UNC13C: variants seen among roughly 807,000 people sequenced by gnomAD.
UNC13C encodes protein unc-13 homolog C.
A neutral mutation model predicts 245.4 loss-of-function variants in UNC13C; 174 were observed. The ratio of observed to expected loss-of-function variants is 0.71; its 90% CI spans 0.63 to 0.80. The LOEUF is 0.80. Among genes scored for constraint, UNC13C ranks in the 30% least tolerant of loss-of-function variants. The pLI is 0.00. For synonymous variants in UNC13C, 992 were observed against 895.1 expected (o/e 1.11, Z -1.93); for missense variants, 2,829 against 2,602.9 (o/e 1.09, Z -1.89).
chr15:53,987,461 T>C (rs1731115644), intron 1 of UNC13C, among the ~76,000 whole-genome samples: 1 of 151,998 alleles, frequency 6.6e-6, no homozygotes, highest in South Asian at 2.1e-4. Flanking sequence ...TCCTCCAGAA[T>C]AGCAATTCAA....
At chr15:54,589,038 T>C (rs1361926638) in intron 30 of UNC13C, among the ~76,000 whole-genome samples, 2 of 152,140 alleles carry the variant, frequency 1.3e-5, no homozygotes, top group African/African-American at 4.8e-5. Context: ...ATTCTACTTT[T>C]AGTTCTTTCA....
intron 19 of UNC13C, among the ~76,000 whole-genome samples, chr15:54,492,548 T>C (rs1348312219): frequency 6.6e-6 from 1 of 152,180 alleles, no homozygotes; most frequent in African/African-American, 2.4e-5. Flanking sequence ...ATACTTAACA[T>C]AGTTCTCAGC....
chr15:54,512,108 CAT>C (rs911421519), intron 24 of UNC13C, among the ~76,000 whole-genome samples: 3 of 152,124 alleles, frequency 2.0e-5, no homozygotes, highest in African/African-American at 7.2e-5. Context: ...TATATACACA[CAT>C]ATATATTTGT....
At chr15:54,495,556 G>A (rs575817155) in intron 20 of UNC13C, among the ~76,000 whole-genome samples, 178 of 151,968 alleles carry the variant, frequency 1.2e-3, no homozygotes, top group Non-Finnish European at 1.9e-3. Flanking sequence ...GGGAGAAAAA[G>A]CATTAAGATG....
chr15:53,853,702 T>C, the UNC13C span, among the ~76,000 whole-genome samples: 1 of 152,220 alleles, frequency 6.6e-6, no homozygotes, highest in Non-Finnish European at 1.5e-5. Context: ...TGGCAGGAGA[T>C]GGTATCTCAT....
At chr15:54,618,601 A>G (rs1900596119) in intron 30 of UNC13C, among the ~76,000 whole-genome samples, 1 of 152,058 alleles carries the variant, frequency 6.6e-6, no homozygotes, top group African/African-American at 2.4e-5. Flanking sequence ...TTTCATTTTT[A>G]CCCTGGGATA....
At chr15:54,048,757 A>C in intron 2 of UNC13C, 1 of 268,762 alleles carries the variant, frequency 3.7e-6, no homozygotes, top group Non-Finnish European at 7.6e-6. Flanking sequence ...GGATATGGTG[A>C]TACACTGATG....
intron 19 of UNC13C, among the ~76,000 whole-genome samples, chr15:54,446,296 G>A (rs947633819): frequency 2.6e-5 from 4 of 152,142 alleles, no homozygotes; most frequent in Admixed American, 6.5e-5. Context: ...GGTTCCATAC[G>A]AACTTTAAAG....
At chr15:54,391,752 G>A (rs931809256) in intron 17 of UNC13C, among the ~76,000 whole-genome samples, 1 of 151,982 alleles carries the variant, frequency 6.6e-6, no homozygotes, top group African/African-American at 2.4e-5. Context: ...ATGTATCCTA[G>A]GGAAATATAT....
chr15:54,330,653 G>T (rs1291323795), intron 14 of UNC13C, among the ~76,000 whole-genome samples: 1 of 151,972 alleles, frequency 6.6e-6, no homozygotes, highest in South Asian at 2.1e-4. Flanking sequence ...ACTAATTATT[G>T]TAGTGATTCT....
chr15:54,380,619 C>T (rs1043146231), intron 17 of UNC13C, among the ~76,000 whole-genome samples: 23 of 149,810 alleles, frequency 1.5e-4, no homozygotes, highest in South Asian at 6.4e-4. Context: ...CTAACCAACA[C>T]GTGTTATCTT....
chr15:54,504,743 A>G (rs1894390801), intron 22 of UNC13C, among the ~76,000 whole-genome samples: 2 of 152,160 alleles, frequency 1.3e-5, no homozygotes. Context: ...TTCCATGCAT[A>G]AAATGTGAAT....
chr15:53,907,631 T>C, the UNC13C span, among the ~76,000 whole-genome samples: 1 of 152,182 alleles, frequency 6.6e-6, no homozygotes, highest in Non-Finnish European at 1.5e-5. Flanking sequence ...TATTAAAAAG[T>C]TCCTATAGTT....
intron 2 of UNC13C, among the ~76,000 whole-genome samples, chr15:54,082,433 G>T (rs1566998959): frequency 6.6e-6 from 1 of 151,974 alleles, no homozygotes; most frequent in Non-Finnish European, 1.5e-5. Flanking sequence ...GCTTTACATA[G>T]CCCCATGTTT....
intron 4 of UNC13C, among the ~76,000 whole-genome samples, chr15:54,228,667 GA>G (rs1169745164): frequency 6.6e-6 from 1 of 152,174 alleles, no homozygotes; most frequent in Non-Finnish European, 1.5e-5. Context: ...CCATGGCCTG[GA>G]ATGGGAGTCT....
intron 10 of UNC13C, among the ~76,000 whole-genome samples, chr15:54,285,762 T>C (rs2037128200): frequency 6.6e-6 from 1 of 152,102 alleles, no homozygotes; most frequent in South Asian, 2.1e-4. Flanking sequence ...TTTTCACAAA[T>C]TCTATCACCT....
At chr15:53,849,643 G>A in the UNC13C span, among the ~76,000 whole-genome samples, 1 of 151,214 alleles carries the variant, frequency 6.6e-6, no homozygotes, top group South Asian at 2.1e-4. Flanking sequence ...TCTTCTTATT[G>A]CATGTTTTCA....
At chr15:54,049,460 T>C (rs1434069141) in intron 2 of UNC13C, 1 of 423,956 alleles carries the variant, frequency 2.4e-6, no homozygotes, top group Non-Finnish European at 4.7e-6. Flanking sequence ...TGAAGAGACA[T>C]TGAAACAACT....
chr15:54,234,032 C>A (rs1307409102), intron 4 of UNC13C, among the ~76,000 whole-genome samples: 1 of 152,030 alleles, frequency 6.6e-6, no homozygotes, highest in Non-Finnish European at 1.5e-5. Flanking sequence ...AATGTTAATA[C>A]CTCTTAGAAA....
Sources: gnomAD v4.1 joint callset for allele counts (sites outside exome capture counted in the v4.1 genomes callset) on GRCh38, gnomAD v4.1.1 for gene constraint, MANE v1.5 for transcripts, NCBI Gene and HGNC (gene_info 2026-07-23, HGNC 2026-07-21) for gene names.